Variants in C7orf78 observed in about 807,000 individuals in gnomAD.
The protein encoded by C7orf78 is chromosome 7 open reading frame 78, also known as putative uncharacterized protein C7orf78.
At chr7:12,521,837 T>C in the C7orf78 span, among the ~76,000 whole-genome samples, 4 of 152,066 alleles carry the variant, frequency 2.6e-5, no homozygotes, top group East Asian at 7.7e-4. Flanking sequence ...TTTAATACTA[T>C]AACTCCAATT....
At chr7:12,498,496 G>A in the C7orf78 span, among the ~76,000 whole-genome samples, 6 of 151,782 alleles carry the variant, frequency 4.0e-5, no homozygotes, top group Non-Finnish European at 7.4e-5. Context: ...AATGGAAGAT[G>A]AAATCAATGA....
chr7:12,494,990 C>CA, the C7orf78 span, among the ~76,000 whole-genome samples: 1 of 152,130 alleles, frequency 6.6e-6, no homozygotes, highest in Non-Finnish European at 1.5e-5. Flanking sequence ...AGATGGTGCC[C>CA]AGATAACCTG....
the C7orf78 span, among the ~76,000 whole-genome samples, chr7:12,527,675 C>T: frequency 3.6e-5 from 5 of 137,740 alleles, no homozygotes; most frequent in Non-Finnish European, 3.1e-5. Flanking sequence ...TGCTATGTGT[C>T]ACTCACTTTG....
At chr7:12,507,191 C>T in the C7orf78 span, 2 of 207,308 alleles carry the variant, frequency 9.6e-6, no homozygotes, top group South Asian at 1.4e-4. Flanking sequence ...ACTGTAGTCC[C>T]AGCTACTTGG....
At chr7:12,506,336 T>G in the C7orf78 span, among the ~76,000 whole-genome samples, 1 of 150,816 alleles carries the variant, frequency 6.6e-6, no homozygotes, top group African/African-American at 2.4e-5. Flanking sequence ...TAAAGACACA[T>G]GCACACATAT....
the C7orf78 span, among the ~76,000 whole-genome samples, chr7:12,509,347 GA>G: frequency 6.6e-6 from 1 of 152,080 alleles, no homozygotes; most frequent in African/African-American, 2.4e-5. Flanking sequence ...TTTTGCTTTG[GA>G]AAGATCTTAC....
the C7orf78 span, among the ~76,000 whole-genome samples, chr7:12,539,010 T>A: frequency 2.0e-5 from 3 of 152,200 alleles, no homozygotes; most frequent in African/African-American, 7.2e-5. Flanking sequence ...GCCTGCTGGC[T>A]TCCTTCACCC....
chr7:12,509,667 A>G, the C7orf78 span, among the ~76,000 whole-genome samples: 44,555 of 152,014 alleles, frequency 0.29, 7,176 homozygotes, highest in African/African-American at 0.43. Flanking sequence ...TCTATTCTCT[A>G]TGTCCATGTG....
chr7:12,515,209 C>T, the C7orf78 span, among the ~76,000 whole-genome samples: 285 of 152,238 alleles, frequency 1.9e-3, no homozygotes, highest in African/African-American at 6.5e-3. Flanking sequence ...GTGTGAGGGA[C>T]CCAGTGGGAG....
the C7orf78 span, among the ~76,000 whole-genome samples, chr7:12,529,560 G>A: frequency 6.6e-6 from 1 of 152,218 alleles, no homozygotes; most frequent in Non-Finnish European, 1.5e-5. Flanking sequence ...AGAACATGTG[G>A]CCCAAGGTGG....
chr7:12,535,305 A>T, the C7orf78 span, among the ~76,000 whole-genome samples: 1 of 152,192 alleles, frequency 6.6e-6, no homozygotes, highest in South Asian at 2.1e-4. Flanking sequence ...GTGGAAGGCA[A>T]AAAGGAGCAA....
At chr7:12,525,946 G>C in the C7orf78 span, 6 of 395,552 alleles carry the variant, frequency 1.5e-5, no homozygotes, top group African/African-American at 1.0e-4. Context: ...AAAAAACTCT[G>C]CATTCCATAT....
the C7orf78 span, among the ~76,000 whole-genome samples, chr7:12,512,032 C>A: frequency 6.6e-6 from 1 of 150,596 alleles, no homozygotes; most frequent in East Asian, 1.9e-4. Context: ...TCCTTGGCCT[C>A]CCAAAGTGCT....
At chr7:12,532,548 CAAAAA>C in the C7orf78 span, among the ~76,000 whole-genome samples, 2 of 136,000 alleles carry the variant, frequency 1.5e-5, no homozygotes, top group Non-Finnish European at 3.2e-5. Flanking sequence ...GACTCTGTTT[CAAAAA>C]AAAAAAAAAG....
the C7orf78 span, chr7:12,528,762 T>C: frequency 2.6e-4 from 103 of 392,128 alleles, no homozygotes; most frequent in East Asian, 3.7e-3. Context: ...TAAGAAAAGT[T>C]TTGTTTAGAT....
chr7:12,484,852 AT>A, the C7orf78 span, among the ~76,000 whole-genome samples: 77,632 of 151,202 alleles, frequency 0.51, 19,972 homozygotes, highest in East Asian at 0.63. Flanking sequence ...AGTTGCAATA[AT>A]TTTTTTTTTA....
At chr7:12,497,873 G>T in the C7orf78 span, among the ~76,000 whole-genome samples, 1 of 148,302 alleles carries the variant, frequency 6.7e-6, no homozygotes, top group South Asian at 2.1e-4. Context: ...CTCCCAGCAC[G>T]CAGCTGGAGA....
At chr7:12,537,004 T>A in the C7orf78 span, among the ~76,000 whole-genome samples, 11 of 152,198 alleles carry the variant, frequency 7.2e-5, no homozygotes, top group Non-Finnish European at 2.9e-5. Context: ...CCTCTCTTCT[T>A]CTGAGCCCTC....
chr7:12,505,037 A>C, the C7orf78 span, among the ~76,000 whole-genome samples: 1 of 152,068 alleles, frequency 6.6e-6, no homozygotes, highest in South Asian at 2.1e-4. Flanking sequence ...TTTATTAGCA[A>C]ATTTAAAAGC....
Sources: allele counts gnomAD v4.1 joint callset (sites outside exome capture counted in the v4.1 genomes callset), GRCh38; gene constraint gnomAD v4.1.1; transcripts MANE v1.5; gene names NCBI Gene and HGNC (gene_info 2026-07-23, HGNC 2026-07-21).